TM4SF4: variants seen among roughly 807,000 people sequenced by gnomAD.
TM4SF4 encodes transmembrane 4 L six family member 4.
A neutral mutation model predicts 24.1 loss-of-function variants in TM4SF4; 24 were observed. The ratio of observed to expected loss-of-function variants is 1.00; its 90% CI spans 0.72 to 1.40. TM4SF4 has a LOEUF of 1.40. TM4SF4 is among the 40% of genes most tolerant of loss of function. TM4SF4 has a pLI of 0.00. For synonymous variants in TM4SF4, 113 were observed against 97.0 expected, an observed-to-expected ratio of 1.17 and a Z score of -0.97; for missense variants, 254 against 254.2, an observed-to-expected ratio of 1.00 and a Z score of 0.01.
At chr3:149,502,421 A>G (rs1241215624) in intron 4 of TM4SF4, among the ~76,000 whole-genome samples, 1 of 152,200 alleles carries the variant, frequency 6.6e-6, no homozygotes, top group Non-Finnish European at 1.5e-5. Flanking sequence ...ATAAATAAAT[A>G]AAATGTAACT....
In TM4SF4 at chr3:149,474,791, A is replaced by T. The variant is rs1465589328; in HGVS notation, c.-87A>T. On this transcript the variant is annotated 5_prime_UTR_variant, in exon 1 of 5. Coordinates refer to ENST00000305354, the MANE Select transcript of TM4SF4 (RefSeq NM_004617.4). ...GATTGAATTGGAGACAATTACAAGG[A>T]CTCTCTGGCCAAAAACCCTTGAAGA... The T allele has an allele frequency of 2.9e-6, 4 of 1,395,246 alleles. No individual in the cohort carries two copies. Among genetic ancestry groups the T allele is most frequent in the African/African-American group, 1.4e-5 (1 of 69,162 alleles). 86.4% of individuals were successfully genotyped at this position (1,395,246 alleles called of 1,614,324 possible).
In TM4SF4 at chr3:149,474,907, G is replaced by C; in HGVS notation, c.30G>C (p.Leu10=). MCTGGCARC[L]GGTLIPLAFF... ...GCACTGGGGGCTGTGCCAGATGCCTGGGGGGGACCCTCATTCCCCTTGCTT... is the reference window on the plus strand; with the variant it reads ...GCACTGGGGGCTGTGCCAGATGCCTCGGGGGGACCCTCATTCCCCTTGCTT... The change falls in exon 1 of 5, where the codon CTG becomes CTC. Residue 10 remains leucine, a synonymous_variant. Coordinates refer to ENST00000305354, the MANE Select transcript of TM4SF4 (RefSeq NM_004617.4). 2 of 1,608,702 alleles carry C rather than the reference G, an allele frequency of 1.2e-6. No individual in the cohort carries two copies. The highest frequency in any genetic ancestry group is 2.2e-5 in the South Asian group (2 of 90,904).
chr3:149,489,155 A>T (rs1734168370), intron 3 of TM4SF4, among the ~76,000 whole-genome samples: 1 of 152,140 alleles, frequency 6.6e-6, no homozygotes, highest in Non-Finnish European at 1.5e-5. Flanking sequence ...TGCAGAGAGG[A>T]CTGTTGGGGC....
chr3:149,491,295 CA>C (rs34935957), intron 3 of TM4SF4, among the ~76,000 whole-genome samples: 41,159 of 125,700 alleles, frequency 0.33, 7,175 homozygotes, highest in Middle Eastern at 0.45. Context: ...CGCCCCTCTA[CA>C]AAAAAAAAAA....
chr3:149,482,400 T>G (rs1344780543), intron 2 of TM4SF4, among the ~76,000 whole-genome samples: 1 of 152,186 alleles, frequency 6.6e-6, no homozygotes, highest in Non-Finnish European at 1.5e-5. Flanking sequence ...TTCCAAAGTC[T>G]GCCAACTTCC....
chr3:149,496,540 G>C (rs545238965), intron 3 of TM4SF4, among the ~76,000 whole-genome samples: 1 of 152,286 alleles, frequency 6.6e-6, no homozygotes, highest in African/African-American at 2.4e-5. Context: ...CCAACACTTT[G>C]GGCGGATCAC....
At chr3:149,492,913 A>T (rs559874377) in intron 3 of TM4SF4, among the ~76,000 whole-genome samples, 72 of 152,334 alleles carry the variant, frequency 4.7e-4, no homozygotes, top group Non-Finnish European at 8.2e-4. Flanking sequence ...AACCAGAAAC[A>T]GTTCACAAAT....
At chr3:149,495,768 C>A in intron 3 of TM4SF4, 1 of 231,566 alleles carries the variant, frequency 4.3e-6, no homozygotes, top group South Asian at 6.2e-5. Flanking sequence ...GATCATCGTT[C>A]TAGTAAGAAG....
At position 149,498,818 on chromosome 3, in the gene TM4SF4, A is replaced by T; in HGVS notation, c.498A>T (p.Val166=). 6.2e-7 allele frequency: 1 copy of T among 1,613,970 alleles called. No individual in the cohort carries two copies. The highest frequency in any genetic ancestry group is 8.5e-7 in the Non-Finnish European group (1 of 1,179,870). The change falls in exon 4 of 5, where the codon GTA becomes GTT. Residue 166 remains valine (V), a synonymous_variant. Coordinates refer to ENST00000305354, the MANE Select transcript of TM4SF4 (RefSeq NM_004617.4). ...NLTLFSILLV[V]GGIQMVLCAI... is the part of the protein sequence containing the mutation. ...CCCTCTTCTCCATCCTGCTGGTCGT[A>T]GGAGGAATCCAGATGGTTCTCTGCG...
rs78270114 is a variant in TM4SF4 at position 149,478,566 on chromosome 3, C to A, written c.264+2654C>A. Among the ~76,000 whole-genome samples the A allele has an allele frequency of 2.8e-3, 432 of 152,318 alleles. 6 individuals are homozygous for A. Among genetic ancestry groups the A allele is most frequent in the African/African-American group, 9.8e-3 (407 of 41,568 alleles). ...GGGCTGTCTAAGCCTCCATGTGGAA[C>A]CTGCCCTTGGCATGAATTGAGGATA... is the stretch of plus-strand genomic sequence containing the variant. On this transcript the variant is annotated intron_variant, in intron 2 of 4. Coordinates refer to ENST00000305354, the MANE Select transcript of TM4SF4 (RefSeq NM_004617.4).
chr3:149,485,058 T>C (rs1734093136), intron 2 of TM4SF4, among the ~76,000 whole-genome samples: 1 of 152,190 alleles, frequency 6.6e-6, no homozygotes, highest in African/African-American at 2.4e-5. Context: ...CAAAATAAAG[T>C]GTTTGAGGAA....
At chr3:149,479,250 T>TC in intron 2 of TM4SF4, among the ~76,000 whole-genome samples, 1 of 152,244 alleles carries the variant, frequency 6.6e-6, no homozygotes, top group African/African-American at 2.4e-5. Flanking sequence ...TAGGGTCCCT[T>TC]CCCTGCCCCT....
In TM4SF4 at chr3:149,502,724, G is replaced by C; in HGVS notation, c.*31G>C. The C allele has an allele frequency of 6.5e-7, 1 of 1,535,012 alleles. No individual in the cohort carries two copies. Among genetic ancestry groups the C allele is most frequent in the Middle Eastern group, 1.7e-4 (1 of 5,904 alleles). Reference sequence around the variant, plus strand: ...CGAGATGAGCTGCTCAGACTCTACAGCATGACGACTACAATTTCTTTTCAT... The same window carrying C: ...CGAGATGAGCTGCTCAGACTCTACACCATGACGACTACAATTTCTTTTCAT... On this transcript the variant is annotated 3_prime_UTR_variant, in exon 5 of 5. Coordinates refer to ENST00000305354, the MANE Select transcript of TM4SF4 (RefSeq NM_004617.4).
intron 3 of TM4SF4, chr3:149,495,369 C>G: frequency 3.1e-6 from 1 of 318,342 alleles, no homozygotes. Context: ...ATCCAACCGA[C>G]AAGCCCTTGC....
At chr3:149,494,586 A>AAG (rs1734278089) in intron 3 of TM4SF4, 1 of 152,172 alleles carries the variant, frequency 6.6e-6, no homozygotes, top group South Asian at 2.1e-4. Context: ...TGTTGGAAAA[A>AAG]AAAAGGCATT....
intron 2 of TM4SF4, 132 bp from the exon 3 acceptor site, chr3:149,487,487 T>C: frequency 9.7e-7 from 1 of 1,035,556 alleles, no homozygotes; most frequent in East Asian, 2.5e-5. Context: ...ACAGGCCCCA[T>C]CTACTATAAA....
intron 3 of TM4SF4, among the ~76,000 whole-genome samples, chr3:149,488,178 C>A (rs1382649429): frequency 6.6e-6 from 1 of 152,132 alleles, no homozygotes; most frequent in Non-Finnish European, 1.5e-5. Context: ...CCCCAAATTG[C>A]CTATAATTAA....
At chr3:149,492,253 G>T (rs1412772323) in intron 3 of TM4SF4, among the ~76,000 whole-genome samples, 1 of 152,080 alleles carries the variant, frequency 6.6e-6, no homozygotes, top group Non-Finnish European at 1.5e-5. Flanking sequence ...CTGAGATTTC[G>T]AACTTAGTGC....
rs576885598 is a variant in TM4SF4 at position 149,493,652 on chromosome 3, G to A, written c.402-5070G>A. 3.3e-5 allele frequency among the ~76,000 whole-genome samples: 5 copies of A among 152,364 alleles called. No homozygotes were observed. In the East Asian group the frequency reaches 5.8e-4, roughly 18 times the overall value. ...GAGCTGCTGCTATTTATGAAGCACT[G>A]CCTGTGCTGGAACTGGGGACAGAGA... is the stretch of plus-strand genomic sequence containing the variant. On this transcript the variant is annotated intron_variant, in intron 3 of 4. Coordinates refer to ENST00000305354, the MANE Select transcript of TM4SF4 (RefSeq NM_004617.4).
Sources: allele counts gnomAD v4.1 joint callset (sites outside exome capture counted in the v4.1 genomes callset), GRCh38; gene constraint gnomAD v4.1.1; transcripts MANE v1.5; gene names NCBI Gene and HGNC (gene_info 2026-07-23, HGNC 2026-07-21).